Variants in DPP6 observed in about 807,000 individuals in gnomAD.
The protein encoded by DPP6 is A-type potassium channel modulatory protein DPP6.
Under a neutral mutation model 122.6 loss-of-function variants are expected in DPP6, and 69 were observed. The ratio of observed to expected loss-of-function variants is 0.56; its 90% CI spans 0.46 to 0.69. The LOEUF is 0.69. Ranked by LOEUF, DPP6 falls within the 30% of genes least tolerant of loss-of-function variation. DPP6 has a pLI of 0.00. For missense variants in DPP6, 928 were observed against 1,116.9 expected (o/e 0.83, Z 2.41); for synonymous variants, 418 against 433.1 (o/e 0.97, Z 0.43).
intron 3 of DPP6, among the ~76,000 whole-genome samples, chr7:154,521,638 T>G (rs974948521): frequency 6.6e-6 from 1 of 152,264 alleles, no homozygotes; most frequent in Non-Finnish European, 1.5e-5. Flanking sequence ...TAAAGTCATC[T>G]TTGAAATGTA....
chr7:153,829,691 C>T, the DPP6 span, among the ~76,000 whole-genome samples: 5 of 152,168 alleles, frequency 3.3e-5, no homozygotes, highest in East Asian at 1.9e-4. Context: ...ACTTCTGGAA[C>T]GCAGCGTGCA....
At chr7:153,781,236 T>A in the DPP6 span, among the ~76,000 whole-genome samples, 1 of 151,998 alleles carries the variant, frequency 6.6e-6, no homozygotes, top group African/African-American at 2.4e-5. Flanking sequence ...CCACCAGCTC[T>A]GGACTGACTT....
At chr7:154,427,549 G>T (rs1296838937) in intron 1 of DPP6, among the ~76,000 whole-genome samples, 1 of 152,200 alleles carries the variant, frequency 6.6e-6, no homozygotes, top group African/African-American at 2.4e-5. Context: ...AATCTTAACA[G>T]AAGTTATCAT....
chr7:153,975,560 G>A (rs39144), intron 1 of DPP6, among the ~76,000 whole-genome samples: 128,077 of 146,862 alleles, frequency 0.87, 55,365 homozygotes, highest in Admixed American at 0.93. Context: ...AAAAAAAAAA[G>A]AAAATACTGC....
chr7:154,732,287 A>AT (rs1204548907), intron 8 of DPP6, among the ~76,000 whole-genome samples: 4 of 151,988 alleles, frequency 2.6e-5, no homozygotes, highest in South Asian at 2.1e-4. Flanking sequence ...CGTTATCATC[A>AT]TATGCATGAG....
At chr7:154,027,566 A>G (rs2129053622) in intron 1 of DPP6, among the ~76,000 whole-genome samples, 1 of 151,808 alleles carries the variant, frequency 6.6e-6, no homozygotes, top group South Asian at 2.1e-4. Flanking sequence ...CCCAAAGTCC[A>G]CCTCCTAACA....
chr7:154,108,873 C>T (rs1200631521), intron 1 of DPP6, among the ~76,000 whole-genome samples: 3 of 152,188 alleles, frequency 2.0e-5, no homozygotes, highest in East Asian at 1.9e-4. Context: ...ATACCAGTCA[C>T]TTTAGAGTAA....
chr7:154,414,145 G>A (rs1418909831), intron 1 of DPP6, among the ~76,000 whole-genome samples: 2 of 151,984 alleles, frequency 1.3e-5, no homozygotes, highest in African/African-American at 4.8e-5. Context: ...CTCTTCAATC[G>A]GCCATCATTA....
intron 7 of DPP6, among the ~76,000 whole-genome samples, chr7:154,681,751 A>G (rs926657498): frequency 6.6e-6 from 1 of 152,248 alleles, no homozygotes; most frequent in Non-Finnish European, 1.5e-5. Context: ...ATCAAAGTAA[A>G]GGTTCCATCT....
At chr7:153,891,289 T>C (rs1255908576) in intron 1 of DPP6, among the ~76,000 whole-genome samples, 1 of 152,088 alleles carries the variant, frequency 6.6e-6, no homozygotes, top group Non-Finnish European at 1.5e-5. Flanking sequence ...CCCAAAGTGC[T>C]GGGATTACAG....
At chr7:154,053,517 G>A (rs1268086226) in intron 1 of DPP6, among the ~76,000 whole-genome samples, 23 of 150,426 alleles carry the variant, frequency 1.5e-4, no homozygotes, top group African/African-American at 5.6e-4. Context: ...TCTCTCCATC[G>A]TGCCCCTCCT....
intron 1 of DPP6, among the ~76,000 whole-genome samples, chr7:153,985,880 T>C (rs1380516911): frequency 6.6e-6 from 1 of 152,230 alleles, no homozygotes; most frequent in East Asian, 1.9e-4. Flanking sequence ...AAACTCTTTA[T>C]TTCAAATCTA....
chr7:153,769,785 C>A, the DPP6 span, among the ~76,000 whole-genome samples: 5 of 152,050 alleles, frequency 3.3e-5, no homozygotes, highest in Non-Finnish European at 7.4e-5. Context: ...ACCAAGTAAT[C>A]CAAATCTAAG....
At chr7:153,923,067 T>G (rs1430439451) in intron 1 of DPP6, among the ~76,000 whole-genome samples, 1 of 152,206 alleles carries the variant, frequency 6.6e-6, no homozygotes, top group Non-Finnish European at 1.5e-5. Flanking sequence ...TGCTTGGACC[T>G]TCAATCCCCA....
intron 25 of DPP6, chr7:154,890,178 T>A (rs1474760187): frequency 6.5e-6 from 1 of 152,996 alleles, no homozygotes; most frequent in African/African-American, 2.4e-5. Context: ...TGCCTTCTGC[T>A]CCTTTGGTGG....
chr7:154,672,762 C>G (rs1838644337), intron 7 of DPP6, among the ~76,000 whole-genome samples: 1 of 152,136 alleles, frequency 6.6e-6, no homozygotes, highest in African/African-American at 2.4e-5. Context: ...GAGTGAGTAC[C>G]CTATGTGCTG....
chr7:154,404,513 G>A (rs187547387), intron 1 of DPP6, among the ~76,000 whole-genome samples: 108 of 152,244 alleles, frequency 7.1e-4, no homozygotes, highest in Middle Eastern at 6.8e-3. Context: ...GAATCAATAA[G>A]AAGAAAATTA....
At chr7:154,796,188 G>T (rs182989339) in intron 12 of DPP6, 86 of 387,718 alleles carry the variant, frequency 2.2e-4, no homozygotes, top group Non-Finnish European at 3.6e-4. Context: ...AATTGAAAAT[G>T]AACAGTCCAT....
At chr7:153,999,380 G>A (rs1342464041) in intron 1 of DPP6, among the ~76,000 whole-genome samples, 3 of 152,220 alleles carry the variant, frequency 2.0e-5, no homozygotes, top group African/African-American at 4.8e-5. Flanking sequence ...TGACTATTCT[G>A]TGAAACTTGT....
Sources: gnomAD v4.1 joint callset for allele counts (sites outside exome capture counted in the v4.1 genomes callset) on GRCh38, gnomAD v4.1.1 for gene constraint, MANE v1.5 for transcripts, NCBI Gene and HGNC (gene_info 2026-07-23, HGNC 2026-07-21) for gene names.